SDK1: variants seen among roughly 807,000 people sequenced by gnomAD.
SDK1 encodes protein sidekick-1.
In SDK1, 157 loss-of-function variants were observed where a neutral mutation model predicts 245.5. The observed-to-expected ratio is 0.64, with a 90% CI of 0.56 to 0.73. The LOEUF is 0.73. SDK1 is among the 30% of genes least tolerant of loss of function. The pLI is 0.00. For synonymous variants in SDK1, 1,647 were observed against 1,278.5 expected (o/e 1.29, Z -6.15); for missense variants, 3,583 against 3,002.3 (o/e 1.19, Z -4.52).
At chr7:3,606,850 A>C (rs1781441106) in intron 1 of SDK1, among the ~76,000 whole-genome samples, 1 of 152,166 alleles carries the variant, frequency 6.6e-6, no homozygotes, top group African/African-American at 2.4e-5. Context: ...TCCTGAAAAA[A>C]AAAATCTGTG....
chr7:3,789,628 C>T (rs1432283744), intron 4 of SDK1, among the ~76,000 whole-genome samples: 2 of 152,164 alleles, frequency 1.3e-5, no homozygotes, highest in South Asian at 2.1e-4. Context: ...CATCCAACTT[C>T]TGATCAAACA....
intron 4 of SDK1, among the ~76,000 whole-genome samples, chr7:3,730,536 G>A (rs1258352773): frequency 6.6e-6 from 1 of 152,108 alleles, no homozygotes; most frequent in Admixed American, 6.5e-5. Context: ...AGCAAGTACG[G>A]GTGCCAGCGG....
chr7:3,442,004 A>G (rs1020808549), intron 1 of SDK1, among the ~76,000 whole-genome samples: 6 of 152,138 alleles, frequency 3.9e-5, no homozygotes, highest in African/African-American at 1.4e-4. Context: ...GCTCTCCACA[A>G]GCATCCTCAC....
At chr7:3,611,009 G>T (rs1287042026) in intron 1 of SDK1, among the ~76,000 whole-genome samples, 2 of 152,180 alleles carry the variant, frequency 1.3e-5, no homozygotes, top group African/African-American at 4.8e-5. Flanking sequence ...ACTTGTGTTA[G>T]TTTTTTTGTT....
At chr7:3,956,812 G>A (rs1331913971) in intron 7 of SDK1, among the ~76,000 whole-genome samples, 2 of 152,170 alleles carry the variant, frequency 1.3e-5, no homozygotes, top group Non-Finnish European at 2.9e-5. Flanking sequence ...TGGGCCTGGA[G>A]GTCCCCAGAG....
chr7:3,709,950 G>C (rs1015706062), intron 4 of SDK1, among the ~76,000 whole-genome samples: 1 of 152,130 alleles, frequency 6.6e-6, no homozygotes, highest in Non-Finnish European at 1.5e-5. Context: ...GGTGCCCCGA[G>C]ACTTAAATGT....
chr7:3,445,851 CTTCCTTCCT>C (rs1324375934), intron 1 of SDK1, among the ~76,000 whole-genome samples: 2 of 151,660 alleles, frequency 1.3e-5, no homozygotes, highest in Non-Finnish European at 2.9e-5. Flanking sequence ...TATGTTTTTT[CTTCCTTCCT>C]TTCCTTCCTG....
chr7:3,648,076 C>T (rs1168614351), intron 4 of SDK1, among the ~76,000 whole-genome samples: 2 of 152,146 alleles, frequency 1.3e-5, no homozygotes, highest in Non-Finnish European at 2.9e-5. Context: ...AGTTTGCTAT[C>T]TTTGCATATC....
chr7:3,975,912 G>A (rs541131317), intron 13 of SDK1, among the ~76,000 whole-genome samples: 2 of 147,870 alleles, frequency 1.4e-5, no homozygotes, highest in Non-Finnish European at 3.0e-5. Flanking sequence ...CCACGTAGAG[G>A]GTCCTCCAGA....
At chr7:3,615,079 A>G (rs1263647907) in intron 1 of SDK1, among the ~76,000 whole-genome samples, 4 of 151,802 alleles carry the variant, frequency 2.6e-5, no homozygotes, top group South Asian at 2.1e-4. Context: ...CAATAGCAAA[A>G]CCAAATTCAG....
At chr7:3,942,936 G>A (rs1473532633) in intron 5 of SDK1, among the ~76,000 whole-genome samples, 1 of 152,174 alleles carries the variant, frequency 6.6e-6, no homozygotes, top group Non-Finnish European at 1.5e-5. Context: ...GCATCTTTTG[G>A]TTGAGGGCAG....
chr7:3,781,865 A>G (rs965630950), intron 4 of SDK1, among the ~76,000 whole-genome samples: 5 of 152,222 alleles, frequency 3.3e-5, no homozygotes, highest in Non-Finnish European at 7.3e-5. Flanking sequence ...AATAATCCAG[A>G]AGAGCAAAAA....
At chr7:3,364,660 A>G (rs1315156047) in intron 1 of SDK1, among the ~76,000 whole-genome samples, 1 of 152,076 alleles carries the variant, frequency 6.6e-6, no homozygotes, top group Non-Finnish European at 1.5e-5. Context: ...CTGATAATAT[A>G]TTGTCTTGAT....
At chr7:3,986,105 G>A (rs2128138808) in intron 13 of SDK1, among the ~76,000 whole-genome samples, 1 of 152,272 alleles carries the variant, frequency 6.6e-6, no homozygotes, top group South Asian at 2.1e-4. Context: ...CAGGGCCCGG[G>A]CAGCTCATGG....
At chr7:3,396,529 G>A (rs58324195) in intron 1 of SDK1, among the ~76,000 whole-genome samples, 1,677 of 151,706 alleles carry the variant, frequency 0.011, 37 homozygotes, top group African/African-American at 0.038. Context: ...TTAGTTTTAT[G>A]TATTTTGGAC....
intron 17 of SDK1, among the ~76,000 whole-genome samples, chr7:4,042,761 G>A (rs933402913): frequency 7.9e-5 from 12 of 152,122 alleles, no homozygotes; most frequent in African/African-American, 2.9e-4. Flanking sequence ...AAGGGGCAGG[G>A]TTATGTAACC....
chr7:4,175,735 C>G, intron 33 of SDK1, 40 bp from the exon 34 acceptor site: 1 of 1,570,908 alleles, frequency 6.4e-7, no homozygotes, highest in African/African-American at 1.3e-5. Flanking sequence ...GGCCGTGTCC[C>G]TGCGTGCTAA....
chr7:3,895,637 C>T (rs970662002), intron 5 of SDK1, among the ~76,000 whole-genome samples: 1 of 139,296 alleles, frequency 7.2e-6, no homozygotes, highest in African/African-American at 2.9e-5. Context: ...GAGGCTTCTT[C>T]TTCTTCCTCT....
intron 4 of SDK1, among the ~76,000 whole-genome samples, chr7:3,676,946 C>G (rs965399743): frequency 1.2e-4 from 19 of 152,142 alleles, no homozygotes; most frequent in African/African-American, 4.6e-4. Context: ...TAATGTGATG[C>G]TTCAACTTTG....
Sources: allele counts gnomAD v4.1 joint callset (sites outside exome capture counted in the v4.1 genomes callset), GRCh38; gene constraint gnomAD v4.1.1; transcripts MANE v1.5; gene names NCBI Gene and HGNC (gene_info 2026-07-23, HGNC 2026-07-21).